The following RELN variants were observed in gnomAD, a reference collection of about 807,000 sequenced individuals.
RELN encodes reelin.
A neutral mutation model predicts 427.6 loss-of-function variants in RELN; 108 were observed. The ratio of observed to expected loss-of-function variants is 0.25; its 90% CI spans 0.22 to 0.30. RELN has a LOEUF of 0.30. Among genes scored for constraint, RELN ranks in the 10% least tolerant of loss-of-function variants. The pLI is 1.00. For synonymous variants in RELN, 1,524 were observed against 1,513.4 expected, an observed-to-expected ratio of 1.01 and a Z score of -0.16; for missense variants, 3,715 against 4,302.8, an observed-to-expected ratio of 0.86 and a Z score of 3.82.
chr7:103,611,867 T>G, intron 20 of RELN, 64 bp from the exon 21 acceptor site: 1 of 1,305,322 alleles, frequency 7.7e-7, no homozygotes, highest in Non-Finnish European at 1.1e-6. Flanking sequence ...AAAATTAAAG[T>G]CTTCACTTCA....
chr7:103,904,576 A>C (rs1356374574), intron 2 of RELN, among the ~76,000 whole-genome samples: 1 of 152,208 alleles, frequency 6.6e-6, no homozygotes, highest in Non-Finnish European at 1.5e-5. Context: ...TGATCTGTGA[A>C]GTGTCCAGAG....
intron 64 of RELN, among the ~76,000 whole-genome samples, chr7:103,475,169 C>T (rs1001464865): frequency 6.6e-6 from 1 of 152,182 alleles, no homozygotes; most frequent in Non-Finnish European, 1.5e-5. Context: ...CTAGATTCTA[C>T]GTGTTCAAGT....
At chr7:103,650,854 A>C (rs1832900775) in intron 15 of RELN, among the ~76,000 whole-genome samples, 1 of 152,114 alleles carries the variant, frequency 6.6e-6, no homozygotes, top group Non-Finnish European at 1.5e-5. Context: ...CAAACTTCTG[A>C]CCTCAAGAAA....
chr7:103,690,713 G>C (rs1833855704), intron 10 of RELN, among the ~76,000 whole-genome samples: 1 of 152,140 alleles, frequency 6.6e-6, no homozygotes, highest in South Asian at 2.1e-4. Context: ...TACTCTGGGA[G>C]ATTACGAATG....
intron 31 of RELN, among the ~76,000 whole-genome samples, chr7:103,567,840 T>C (rs1038478091): frequency 2.4e-4 from 36 of 151,710 alleles, no homozygotes; most frequent in African/African-American, 8.7e-4. Flanking sequence ...CTGTCACCCA[T>C]GCTGGAGTGC....
At chr7:103,848,619 A>C (rs1012521823) in intron 2 of RELN, among the ~76,000 whole-genome samples, 15 of 152,162 alleles carry the variant, frequency 9.9e-5, no homozygotes, top group African/African-American at 3.6e-4. Context: ...ATCCAGTCTC[A>C]TGAGGCTGAG....
intron 1 of RELN, among the ~76,000 whole-genome samples, chr7:103,967,468 G>A (rs1469071668): frequency 1.3e-5 from 2 of 152,184 alleles, no homozygotes; most frequent in Non-Finnish European, 2.9e-5. Flanking sequence ...GAACCTACCA[G>A]TCATCCCCAG....
intron 1 of RELN, among the ~76,000 whole-genome samples, chr7:103,942,211 AC>A (rs1796130248): frequency 6.6e-6 from 1 of 152,334 alleles, no homozygotes; most frequent in South Asian, 2.1e-4. Flanking sequence ...ATTAATAGTT[AC>A]AGTCACCATG....
chr7:103,842,785 C>A (rs191840524), intron 2 of RELN, among the ~76,000 whole-genome samples: 4 of 152,240 alleles, frequency 2.6e-5, no homozygotes, highest in East Asian at 1.9e-4. Context: ...GGAAGAGAAA[C>A]TACCTATTTC....
chr7:103,582,849 A>G (rs1386704966), intron 28 of RELN, among the ~76,000 whole-genome samples: 2 of 152,210 alleles, frequency 1.3e-5, no homozygotes, highest in Non-Finnish European at 1.5e-5. Context: ...GGCAACAAAC[A>G]ACTCTCAATC....
chr7:103,811,820 C>T (rs1792750249), intron 3 of RELN, among the ~76,000 whole-genome samples: 1 of 152,146 alleles, frequency 6.6e-6, no homozygotes, highest in African/African-American at 2.4e-5. Context: ...AAATCGACCC[C>T]CAAAACATCC....
At chr7:103,623,510 A>G (rs532731571) in intron 20 of RELN, among the ~76,000 whole-genome samples, 1 of 152,224 alleles carries the variant, frequency 6.6e-6, no homozygotes, top group Non-Finnish European at 1.5e-5. Flanking sequence ...CAAGGAATAC[A>G]GCTATCTAAT....
chr7:103,636,161 T>C, intron 18 of RELN, 74 bp downstream of exon 18: 2 of 999,566 alleles, frequency 2.0e-6, no homozygotes, highest in South Asian at 2.7e-5. Flanking sequence ...ATATAAGAAA[T>C]AAAAATGGAC....
At chr7:103,473,624 TACAC>T (rs1308958247) in intron 64 of RELN, among the ~76,000 whole-genome samples, 1 of 152,228 alleles carries the variant, frequency 6.6e-6, no homozygotes, top group Non-Finnish European at 1.5e-5. Context: ...CATATGTACA[TACAC>T]ACATTTATAC....
chr7:103,651,839 ACAAAT>A (rs750895226), intron 14 of RELN, 50 bp from the exon 15 acceptor site: 1 of 1,593,522 alleles, frequency 6.3e-7, no homozygotes, highest in Non-Finnish European at 8.6e-7. Flanking sequence ...GGTAAAGATA[ACAAAT>A]CAAATGAAAT....
intron 6 of RELN, among the ~76,000 whole-genome samples, chr7:103,736,086 G>A (rs1790484720): frequency 1.3e-5 from 2 of 152,190 alleles, no homozygotes; most frequent in South Asian, 2.1e-4. Flanking sequence ...TGCAAAGCAA[G>A]GCCAAATCAA....
In RELN at chr7:103,596,752, C is replaced by A. The variant is rs146073509; in HGVS notation, c.3334-91G>T. Reference sequence around the variant, plus strand: ...TTCCAAATTCACATGGACATCTTAGCACTATGTGGAAATGGTCTCGTCCCC... The same window carrying A: ...TTCCAAATTCACATGGACATCTTAGAACTATGTGGAAATGGTCTCGTCCCC... On this transcript the variant is annotated intron_variant, in intron 24 of 64. Transcript: ENST00000428762. 4.5e-4 allele frequency: 495 copies of A among 1,096,128 alleles called. 1 individual carries two copies. The African/African-American group carries it at 7.0e-3, about 16-fold the overall frequency. 67.9% of individuals were successfully genotyped at this position (1,096,128 alleles called of 1,614,324 possible). A position where few individuals can be genotyped will look rare whatever the true frequency, so the allele number is the denominator to read the frequency against.
chr7:103,536,680 AT>A (rs1194323816), intron 45 of RELN, among the ~76,000 whole-genome samples: 3 of 152,082 alleles, frequency 2.0e-5, no homozygotes, highest in Non-Finnish European at 4.4e-5. Context: ...ATGTTCTTTT[AT>A]TTTGAGGGAC....
intron 2 of RELN, among the ~76,000 whole-genome samples, chr7:103,891,536 T>C (rs3914133): frequency 0.78 from 118,776 of 151,868 alleles, 46,499 homozygotes; most frequent in East Asian, 0.87. Flanking sequence ...GCAGATTTTA[T>C]TCCCAGCTTT....
Sources: allele counts gnomAD v4.1 joint callset (sites outside exome capture counted in the v4.1 genomes callset), GRCh38; gene constraint gnomAD v4.1.1; transcripts MANE v1.5; gene names NCBI Gene and HGNC (gene_info 2026-07-23, HGNC 2026-07-21).